Variants in RGS6 observed in about 807,000 individuals in gnomAD.
RGS6 encodes regulator of G protein signaling 6, also known as regulator of G-protein signaling 6.
RGS6 carries 30 observed loss-of-function variants against 78.5 expected under a neutral mutation model. The ratio of observed to expected loss-of-function variants is 0.38; its 90% confidence interval spans 0.29 to 0.52. RGS6 has a LOEUF of 0.52. RGS6 is among the 20% of genes least tolerant of loss of function. RGS6 has a pLI of 0.85. For missense variants in RGS6, 495 were observed against 609.7 expected (o/e 0.81, Z 1.98); for synonymous variants, 206 against 206.0 (o/e 1.00, Z 0.00).
At chr14:72,220,036 G>A (rs902828898) in intron 2 of RGS6, among the ~76,000 whole-genome samples, 3 of 152,148 alleles carry the variant, frequency 2.0e-5, no homozygotes, top group African/African-American at 7.2e-5. Context: ...CTTCAGCAAA[G>A]TTTCAGGACA....
At chr14:72,133,238 T>A (rs1223529577) in intron 2 of RGS6, among the ~76,000 whole-genome samples, 1 of 152,176 alleles carries the variant, frequency 6.6e-6, no homozygotes, top group Non-Finnish European at 1.5e-5. Flanking sequence ...CTTTTCCATA[T>A]CCTTTACCTA....
intron 2 of RGS6, among the ~76,000 whole-genome samples, chr14:72,278,721 G>A (rs182161010): frequency 2.4e-4 from 37 of 152,352 alleles, no homozygotes; most frequent in African/African-American, 8.2e-4. Context: ...GTCTGGTACA[G>A]ATGCTGGAGT....
intron 2 of RGS6, among the ~76,000 whole-genome samples, chr14:72,002,848 G>T (rs1595922219): frequency 6.6e-6 from 1 of 152,110 alleles, no homozygotes; most frequent in Non-Finnish European, 1.5e-5. Context: ...TAGAGTCATG[G>T]TGGTTTTCTG....
intron 3 of RGS6, among the ~76,000 whole-genome samples, chr14:72,453,026 G>A (rs750289484): frequency 2.6e-5 from 4 of 152,202 alleles, no homozygotes; most frequent in Admixed American, 6.5e-5. Context: ...GAGGGAGGAC[G>A]TCGCTGGTAT....
the RGS6 span, among the ~76,000 whole-genome samples, chr14:72,601,503 T>C: frequency 1.3e-5 from 2 of 152,206 alleles, no homozygotes; most frequent in Admixed American, 1.3e-4. Context: ...CCTGAGGAAA[T>C]AAGTTCTGCT....
intron 3 of RGS6, among the ~76,000 whole-genome samples, chr14:72,445,693 C>A (rs887611514): frequency 6.6e-6 from 1 of 152,138 alleles, no homozygotes; most frequent in African/African-American, 2.4e-5. Context: ...CAACTATCAA[C>A]GAATAAGCAT....
At chr14:72,013,644 G>A (rs974997401) in intron 2 of RGS6, among the ~76,000 whole-genome samples, 9 of 152,212 alleles carry the variant, frequency 5.9e-5, no homozygotes, top group East Asian at 3.8e-4. Context: ...CTCTTGGGCC[G>A]TGGTAGGCAC....
chr14:72,398,318 G>A (rs1167843577), intron 3 of RGS6, among the ~76,000 whole-genome samples: 1 of 152,178 alleles, frequency 6.6e-6, no homozygotes, highest in East Asian at 1.9e-4. Context: ...ATTTCTTCTT[G>A]ATTTTCTAGT....
At chr14:72,493,766 C>G (rs1345227375) in intron 12 of RGS6, among the ~76,000 whole-genome samples, 3 of 145,868 alleles carry the variant, frequency 2.1e-5, no homozygotes, top group African/African-American at 7.6e-5. Flanking sequence ...CACTGCATAC[C>G]AGAAAAAAAA....
At chr14:72,077,627 CTG>C (rs1200208009) in intron 2 of RGS6, among the ~76,000 whole-genome samples, 1 of 152,070 alleles carries the variant, frequency 6.6e-6, no homozygotes. Context: ...TTTAATCTGC[CTG>C]TCTTTTTTTT....
chr14:72,228,996 A>C (rs1433426273), intron 2 of RGS6, among the ~76,000 whole-genome samples: 1 of 152,210 alleles, frequency 6.6e-6, no homozygotes, highest in Non-Finnish European at 1.5e-5. Context: ...CGGAGGTTGC[A>C]GTGAGCTGAG....
At chr14:72,360,765 T>A (rs999237839) in intron 3 of RGS6, among the ~76,000 whole-genome samples, 9 of 152,022 alleles carry the variant, frequency 5.9e-5, no homozygotes, top group African/African-American at 1.9e-4. Flanking sequence ...AAATAGAACT[T>A]TGATTGTGAC....
intron 15 of RGS6, among the ~76,000 whole-genome samples, chr14:72,529,226 A>C (rs1454781914): frequency 2.0e-5 from 3 of 152,176 alleles, no homozygotes; most frequent in African/African-American, 4.8e-5. Context: ...GGCTGAAGCC[A>C]TGGGGTCTGC....
At chr14:72,507,032 G>A (rs1167852645) in intron 13 of RGS6, among the ~76,000 whole-genome samples, 2 of 144,028 alleles carry the variant, frequency 1.4e-5, no homozygotes, top group African/African-American at 5.2e-5. Flanking sequence ...AGCTGGCCAT[G>A]GTGGCGGGTG....
chr14:71,923,050 G>T, the RGS6 span, among the ~76,000 whole-genome samples: 3 of 152,196 alleles, frequency 2.0e-5, no homozygotes, highest in African/African-American at 4.8e-5. Flanking sequence ...AGGACTAAAA[G>T]CTCAGAAGCC....
chr14:72,600,241 T>C, the RGS6 span, among the ~76,000 whole-genome samples: 5 of 152,010 alleles, frequency 3.3e-5, no homozygotes, highest in East Asian at 7.8e-4. Context: ...GGGGATCAGG[T>C]ATCCTGGCCA....
At chr14:72,344,088 A>G (rs1400465114) in intron 2 of RGS6, among the ~76,000 whole-genome samples, 1 of 152,218 alleles carries the variant, frequency 6.6e-6, no homozygotes, top group Non-Finnish European at 1.5e-5. Flanking sequence ...AAGCTTGGCT[A>G]TTCCAGCCAA....
intron 2 of RGS6, among the ~76,000 whole-genome samples, chr14:72,327,638 A>G (rs1193687750): frequency 2.6e-5 from 4 of 152,218 alleles, no homozygotes; most frequent in African/African-American, 9.7e-5. Context: ...GATATTCACC[A>G]GTCCTTGGCA....
chr14:72,139,621 G>T (rs1345464839), intron 2 of RGS6, among the ~76,000 whole-genome samples: 3 of 152,146 alleles, frequency 2.0e-5, no homozygotes, highest in Non-Finnish European at 4.4e-5. Flanking sequence ...AAGTAAAGTT[G>T]TTTATAGATA....
Sources: gnomAD v4.1 joint callset for allele counts (sites outside exome capture counted in the v4.1 genomes callset) on GRCh38, gnomAD v4.1.1 for gene constraint, MANE v1.5 for transcripts, NCBI Gene and HGNC (gene_info 2026-07-23, HGNC 2026-07-21) for gene names.